ERC1: variants seen among roughly 807,000 people sequenced by gnomAD.
ERC1 encodes the protein ELKS/RAB6-interacting/CAST family member 1.
ERC1 carries 56 observed loss-of-function variants against 132.0 expected under a neutral mutation model. That is an observed-to-expected ratio of 0.42 (90% CI 0.34 to 0.53). The LOEUF (loss-of-function observed/expected upper bound fraction) is 0.53, where lower values mean the gene tolerates loss of function less well. Ranked by LOEUF, ERC1 falls within the 20% of genes least tolerant of loss-of-function variation. ERC1 has a pLI of 0.03. For missense variants in ERC1, 1,202 were observed against 1,349.9 expected, an observed-to-expected ratio of 0.89 and a Z score of 1.72; for synonymous variants, 478 against 476.1, an observed-to-expected ratio of 1.00 and a Z score of -0.05.
chr12:1,269,032 G>A (rs527516614), intron 14 of ERC1, among the ~76,000 whole-genome samples: 2 of 152,286 alleles, frequency 1.3e-5, no homozygotes, highest in South Asian at 4.1e-4. Flanking sequence ...GAGAACCTTT[G>A]AACAAAGAAC....
At chr12:1,033,638 A>ATT (rs1362029930) in intron 2 of ERC1, among the ~76,000 whole-genome samples, 2 of 144,390 alleles carry the variant, frequency 1.4e-5, no homozygotes, top group African/African-American at 2.5e-5. Context: ...TAATTTTTGT[A>ATT]TTTTTTTTTT....
intron 7 of ERC1, among the ~76,000 whole-genome samples, chr12:1,125,000 CTT>C (rs555788794): frequency 3.4e-5 from 5 of 145,742 alleles, no homozygotes; most frequent in African/African-American, 7.5e-5. Flanking sequence ...TATTTTCTTT[CTT>C]TTTTTTTTTG....
At chr12:1,009,176 G>T (rs944764279) in intron 1 of ERC1, among the ~76,000 whole-genome samples, 3 of 150,990 alleles carry the variant, frequency 2.0e-5, no homozygotes, top group Admixed American at 6.6e-5. Flanking sequence ...TGGTGGTAAA[G>T]ATTTTTTTTT....
intron 12 of ERC1, among the ~76,000 whole-genome samples, chr12:1,219,315 A>G (rs902698583): frequency 6.6e-6 from 1 of 152,186 alleles, no homozygotes; most frequent in Non-Finnish European, 1.5e-5. Context: ...TTTTACTCAG[A>G]ACAGATCTCT....
intron 2 of ERC1, among the ~76,000 whole-genome samples, chr12:1,081,392 A>T (rs760223812): frequency 1.3e-5 from 2 of 152,220 alleles, no homozygotes; most frequent in Non-Finnish European, 2.9e-5. Flanking sequence ...ATTCTAACTT[A>T]AAAAAACTTT....
intron 15 of ERC1, among the ~76,000 whole-genome samples, chr12:1,304,693 C>T (rs1399881823): frequency 6.6e-6 from 1 of 151,128 alleles, no homozygotes; most frequent in South Asian, 2.1e-4. Flanking sequence ...GTTAGGAGAA[C>T]CTCTGTTATG....
At chr12:1,396,771 A>C (rs1020678653) in intron 16 of ERC1, among the ~76,000 whole-genome samples, 2 of 152,166 alleles carry the variant, frequency 1.3e-5, no homozygotes, top group South Asian at 2.1e-4. Flanking sequence ...TGGGTTTACA[A>C]AATGCCTATA....
chr12:1,062,832 T>C (rs968817961), intron 2 of ERC1, among the ~76,000 whole-genome samples: 2 of 152,224 alleles, frequency 1.3e-5, no homozygotes, highest in African/African-American at 4.8e-5. Context: ...TATTCTTATA[T>C]TGGGATCTAT....
At chr12:1,371,641 T>G (rs915853285) in intron 15 of ERC1, among the ~76,000 whole-genome samples, 192 bp from the exon 16 acceptor site, 1 of 146,260 alleles carries the variant, frequency 6.8e-6, no homozygotes, top group Non-Finnish European at 1.5e-5. Context: ...GTTTGCTTTC[T>G]TGGTTTTATT....
chr12:1,193,314 A>G (rs1955911953), intron 12 of ERC1, among the ~76,000 whole-genome samples: 1 of 152,134 alleles, frequency 6.6e-6, no homozygotes, highest in Non-Finnish European at 1.5e-5. Context: ...CCATTAATAC[A>G]TCTATAAATA....
chr12:1,277,218 G>T (rs2078334582), intron 14 of ERC1, among the ~76,000 whole-genome samples: 2 of 152,204 alleles, frequency 1.3e-5, no homozygotes, highest in Admixed American at 1.3e-4. Context: ...GTCTTATGTA[G>T]CAGTGAGCCT....
At chr12:1,067,070 AGTGTTGGAATTACAG>A (rs1300407668) in intron 2 of ERC1, among the ~76,000 whole-genome samples, 2 of 152,080 alleles carry the variant, frequency 1.3e-5, no homozygotes, top group African/African-American at 4.8e-5. Flanking sequence ...CACCTCCCAA[AGTGTTGGAATTACAG>A]GTGTGAGCCT....
chr12:1,258,706 A>G (rs2076960278), intron 13 of ERC1, among the ~76,000 whole-genome samples: 1 of 152,198 alleles, frequency 6.6e-6, no homozygotes, highest in African/African-American at 2.4e-5. Flanking sequence ...TCCCTTTTAA[A>G]AAATGTTGTT....
chr12:1,140,166 G>A (rs1027847919), intron 7 of ERC1, among the ~76,000 whole-genome samples: 1 of 152,108 alleles, frequency 6.6e-6, no homozygotes, highest in Non-Finnish European at 1.5e-5. Context: ...TTCCTTTCCA[G>A]TATGGTCCAA....
At chr12:1,262,942 C>A (rs540355321) in intron 13 of ERC1, 92 bp from the exon 14 acceptor site, 1 of 1,300,772 alleles carries the variant, frequency 7.7e-7, no homozygotes, top group Non-Finnish European at 1.1e-6. Context: ...ATGGAAAGAA[C>A]ATTTAATAAG....
intron 2 of ERC1, among the ~76,000 whole-genome samples, chr12:1,055,088 G>C (rs1383529053): frequency 1.3e-5 from 2 of 152,112 alleles, no homozygotes; most frequent in Non-Finnish European, 2.9e-5. Context: ...AGAATGAACT[G>C]TTTCCTCATT....
intron 12 of ERC1, among the ~76,000 whole-genome samples, chr12:1,227,997 G>A (rs1423391321): frequency 2.6e-5 from 4 of 152,086 alleles, no homozygotes; most frequent in Non-Finnish European, 5.9e-5. Context: ...TTTCTATTCT[G>A]TTCCATTGGT....
intron 2 of ERC1, among the ~76,000 whole-genome samples, chr12:1,065,121 C>T (rs1392694770): frequency 6.6e-6 from 1 of 152,146 alleles, no homozygotes; most frequent in African/African-American, 2.4e-5. Context: ...CTGCCTCAGC[C>T]TCCTGAGTAG....
At chr12:1,256,384 G>A (rs954780127) in intron 13 of ERC1, among the ~76,000 whole-genome samples, 4 of 149,728 alleles carry the variant, frequency 2.7e-5, no homozygotes, top group Admixed American at 2.7e-4. Flanking sequence ...TATTCAGTGG[G>A]GGCCAATAGA....
Sources: allele counts gnomAD v4.1 joint callset (sites outside exome capture counted in the v4.1 genomes callset), GRCh38; gene constraint gnomAD v4.1.1; transcripts MANE v1.5; gene names NCBI Gene and HGNC (gene_info 2026-07-23, HGNC 2026-07-21).